Variants in CEP112 observed in about 807,000 individuals in gnomAD.
CEP112 encodes the protein centrosomal protein 112.
A neutral mutation model predicts 153.0 loss-of-function variants in CEP112; 127 were observed. That is an observed-to-expected ratio of 0.83 (90% CI 0.72 to 0.96). CEP112 has a LOEUF of 0.96. Ranked by LOEUF, CEP112 falls within the 40% of genes least tolerant of loss-of-function variation. The pLI, the probability that CEP112 is intolerant of heterozygous loss-of-function variation, is 0.00. For synonymous variants in CEP112, 358 were observed against 374.4 expected, an observed-to-expected ratio of 0.96 and a Z score of 0.51; for missense variants, 1,089 against 1,101.2, an observed-to-expected ratio of 0.99 and a Z score of 0.16.
intron 23 of CEP112, among the ~76,000 whole-genome samples, chr17:65,718,058 T>C (rs1010915680): frequency 2.0e-5 from 3 of 152,156 alleles, no homozygotes; most frequent in Non-Finnish European, 2.9e-5. Flanking sequence ...AAAAGTGAAA[T>C]TTTGCTATAT....
At chr17:66,156,738 G>A (rs146622982) in intron 4 of CEP112, among the ~76,000 whole-genome samples, 2 of 152,024 alleles carry the variant, frequency 1.3e-5, no homozygotes, top group Non-Finnish European at 2.9e-5. Context: ...TGAAGCATAC[G>A]CAAGTATCAA....
chr17:65,742,191 A>G lies in CEP112; in HGVS notation c.2607+877T>C, dbSNP rs1442403817. Among the ~76,000 whole-genome samples the G allele has an allele frequency of 2.6e-5, 4 of 152,282 alleles. No individual in the cohort carries two copies. In the East Asian group the frequency reaches 7.7e-4, roughly 29 times the overall value. Reference sequence around the variant, plus strand: ...CAGATTGCCTGCAACAGGCTATAGAAAAAGAAGATGCAGAGGTGAGGCAGG... The same window carrying G: ...CAGATTGCCTGCAACAGGCTATAGAGAAAGAAGATGCAGAGGTGAGGCAGG... On this transcript the variant is annotated intron_variant, in intron 23 of 26. Transcript: ENST00000535342.
At chr17:65,773,071 G>A (rs993279841) in intron 21 of CEP112, among the ~76,000 whole-genome samples, 2 of 152,188 alleles carry the variant, frequency 1.3e-5, no homozygotes, top group Admixed American at 6.5e-5. Context: ...GAGAGACCCA[G>A]CAGATAAAGA....
chr17:66,167,712 G>C (rs537001850), intron 4 of CEP112, among the ~76,000 whole-genome samples: 24 of 152,306 alleles, frequency 1.6e-4, no homozygotes, highest in African/African-American at 5.8e-4. Flanking sequence ...AAGAACATGG[G>C]TGTGAAATCA....
intron 11 of CEP112, among the ~76,000 whole-genome samples, chr17:66,055,633 G>A (rs1435430489): frequency 6.6e-6 from 1 of 152,106 alleles, no homozygotes; most frequent in Non-Finnish European, 1.5e-5. Flanking sequence ...TATGCCTGCC[G>A]AATGTCAAAA....
At chr17:66,093,275 T>C (rs1332526006) in intron 8 of CEP112, among the ~76,000 whole-genome samples, 1 of 152,106 alleles carries the variant, frequency 6.6e-6, no homozygotes, top group Non-Finnish European at 1.5e-5. Flanking sequence ...CCGTGAGACG[T>C]AGGCTGCAGT....
At chr17:66,109,678 G>A (rs970699659) in intron 6 of CEP112, among the ~76,000 whole-genome samples, 6 of 151,876 alleles carry the variant, frequency 4.0e-5, no homozygotes, top group African/African-American at 7.3e-5. Context: ...GGACAGTCTC[G>A]ATGTTGCAAA....
rs1160021433 is a variant in CEP112 at position 65,902,154 on chromosome 17, GT to G, written c.2160del (p.Gln721ArgfsTer13). On this transcript the variant is annotated frameshift_variant, in exon 20 of 27. Coordinates refer to ENST00000535342, the MANE Select transcript of CEP112 (RefSeq NM_001199165.4). LOFTEE classifies it high-confidence loss of function. Reference sequence around the variant, plus strand: ...TATCAAATATTATTGATAATTACCTGTGCATCTCGTTTCTTGAACTCCTGAA... The same window carrying G: ...TATCAAATATTATTGATAATTACCTGGCATCTCGTTTCTTGAACTCCTGAA... ...NQIQEFKKRD[A>X]QVIADMEAQV... The G allele has an allele frequency of 6.2e-7, 1 of 1,608,918 alleles. No individual in the cohort carries two copies. The highest frequency in any genetic ancestry group is 2.2e-5 in the East Asian group (1 of 44,832).
chr17:65,790,893 T>C (rs2054553794), intron 21 of CEP112, among the ~76,000 whole-genome samples: 1 of 152,170 alleles, frequency 6.6e-6, no homozygotes, highest in South Asian at 2.1e-4. Flanking sequence ...CTGCTAAACC[T>C]TCCATCTTAG....
At chr17:65,818,964 G>A (rs928415011) in intron 21 of CEP112, among the ~76,000 whole-genome samples, 6 of 151,822 alleles carry the variant, frequency 4.0e-5, no homozygotes, top group Non-Finnish European at 7.4e-5. Flanking sequence ...TGTTTCATGA[G>A]GATGTTGCTG....
At chr17:66,002,985 C>T (rs528864383) in intron 17 of CEP112, among the ~76,000 whole-genome samples, 3 of 152,280 alleles carry the variant, frequency 2.0e-5, no homozygotes, top group African/African-American at 4.8e-5. Flanking sequence ...AGATCTAACG[C>T]TATTCTTAGA....
At chr17:66,158,457 A>C (rs1470787529) in intron 4 of CEP112, among the ~76,000 whole-genome samples, 1 of 151,960 alleles carries the variant, frequency 6.6e-6, no homozygotes, top group African/African-American at 2.4e-5. Flanking sequence ...CTAAAAATAC[A>C]AAAAATGAGC....
chr17:65,703,104 G>A (rs1158583324), intron 23 of CEP112, among the ~76,000 whole-genome samples: 1 of 152,196 alleles, frequency 6.6e-6, no homozygotes, highest in African/African-American at 2.4e-5. Flanking sequence ...GAACCCCTGT[G>A]CATAAGAGGG....
At chr17:65,853,456 C>T (rs1027195325) in intron 20 of CEP112, among the ~76,000 whole-genome samples, 1 of 152,018 alleles carries the variant, frequency 6.6e-6, no homozygotes, top group African/African-American at 2.4e-5. Context: ...TCCGGCCAGG[C>T]GCAGTGACTC....
chr17:65,846,655 G>A (rs1460903654), intron 21 of CEP112, among the ~76,000 whole-genome samples: 2 of 152,136 alleles, frequency 1.3e-5, no homozygotes, highest in Non-Finnish European at 2.9e-5. Context: ...TACAAGCTCC[G>A]CCTCCCGGGT....
chr17:66,081,336 T>C (rs2146173993), intron 8 of CEP112, among the ~76,000 whole-genome samples: 1 of 152,220 alleles, frequency 6.6e-6, no homozygotes, highest in Non-Finnish European at 1.5e-5. Flanking sequence ...AAAATCAGAA[T>C]AGTGGTTACT....
At chr17:65,750,875 G>C in intron 21 of CEP112, 151 bp from the exon 22 acceptor site, 2 of 560,848 alleles carry the variant, frequency 3.6e-6, no homozygotes, top group South Asian at 2.6e-5. Context: ...TTGATGTTAC[G>C]CCAACTATTC....
intron 17 of CEP112, among the ~76,000 whole-genome samples, chr17:65,973,806 G>A (rs1214195889): frequency 6.6e-6 from 1 of 152,140 alleles, no homozygotes; most frequent in African/African-American, 2.4e-5. Context: ...ATGTTCACAC[G>A]TATATCTTTT....
chr17:66,039,214 A>G (rs1051005912), intron 12 of CEP112, among the ~76,000 whole-genome samples: 3 of 152,188 alleles, frequency 2.0e-5, no homozygotes, highest in Non-Finnish European at 4.4e-5. Flanking sequence ...AGAAAATATA[A>G]AATGTCTCAT....
Sources: allele counts gnomAD v4.1 joint callset (sites outside exome capture counted in the v4.1 genomes callset), GRCh38; gene constraint gnomAD v4.1.1; transcripts MANE v1.5; gene names NCBI Gene and HGNC (gene_info 2026-07-23, HGNC 2026-07-21).